The following PTPRD variants were observed in gnomAD, a reference collection of about 807,000 sequenced individuals.
PTPRD encodes protein tyrosine phosphatase receptor type D.
PTPRD carries 34 observed loss-of-function variants against 214.5 expected under a neutral mutation model. The ratio of observed to expected loss-of-function variants is 0.16; its 90% CI spans 0.12 to 0.21. PTPRD has a LOEUF of 0.21. Ranked by LOEUF, PTPRD falls within the 10% of genes least tolerant of loss-of-function variation. The pLI is 1.00. For missense variants in PTPRD, 2,545 were observed against 2,398.7 expected (o/e 1.06, Z -1.27); for synonymous variants, 1,128 against 845.7 (o/e 1.33, Z -5.79).
intron 5 of PTPRD, among the ~76,000 whole-genome samples, chr9:9,778,035 G>A (rs115003026): frequency 0.013 from 2,038 of 152,312 alleles, 57 homozygotes; most frequent in African/African-American, 0.045. Context: ...ATAGAGAGGG[G>A]AGACAAGATG....
At chr9:10,450,007 C>T (rs940780770) in intron 2 of PTPRD, among the ~76,000 whole-genome samples, 3 of 151,618 alleles carry the variant, frequency 2.0e-5, no homozygotes, top group African/African-American at 7.3e-5. Flanking sequence ...AAGGGCGGTG[C>T]AAGATGTGCT....
intron 9 of PTPRD, among the ~76,000 whole-genome samples, chr9:9,356,977 G>A (rs968318859): frequency 4.6e-5 from 7 of 151,284 alleles, no homozygotes; most frequent in South Asian, 2.1e-4. Context: ...TCAAGCAACC[G>A]GGTATAAAGC....
At chr9:8,748,780 G>C (rs150005912) in intron 11 of PTPRD, among the ~76,000 whole-genome samples, 3 of 151,960 alleles carry the variant, frequency 2.0e-5, no homozygotes, top group African/African-American at 7.2e-5. Context: ...GCATGGTGGC[G>C]CATGCCTGTA....
intron 5 of PTPRD, among the ~76,000 whole-genome samples, chr9:9,822,385 TG>T (rs1463143706): frequency 3.3e-5 from 5 of 150,450 alleles, no homozygotes; most frequent in African/African-American, 1.2e-4. Flanking sequence ...CATTCCAGCC[TG>T]GTGACAGAGC....
At chr9:9,128,080 A>C (rs2099836835) in intron 10 of PTPRD, among the ~76,000 whole-genome samples, 1 of 152,198 alleles carries the variant, frequency 6.6e-6, no homozygotes, top group African/African-American at 2.4e-5. Context: ...TGGGCATGAC[A>C]AGTATTTTTA....
At chr9:10,393,287 T>TTG (rs140870482) in intron 2 of PTPRD, among the ~76,000 whole-genome samples, 234 of 150,532 alleles carry the variant, frequency 1.6e-3, no homozygotes, top group South Asian at 5.0e-3. Flanking sequence ...GTCTGCTATT[T>TTG]TGTGTGTGTG....
At chr9:8,880,139 G>T in intron 11 of PTPRD, among the ~76,000 whole-genome samples, 1 of 151,994 alleles carries the variant, frequency 6.6e-6, no homozygotes, top group East Asian at 1.9e-4. Context: ...AAGAAACAAA[G>T]GTGGCATTTT....
At chr9:9,664,487 GCT>G (rs1188367140) in intron 7 of PTPRD, among the ~76,000 whole-genome samples, 1 of 151,564 alleles carries the variant, frequency 6.6e-6, no homozygotes, top group Admixed American at 6.6e-5. Flanking sequence ...AATTAGATCA[GCT>G]CTTTTTCCAT....
chr9:10,206,638 C>G (rs944216174), intron 3 of PTPRD, among the ~76,000 whole-genome samples: 1 of 151,998 alleles, frequency 6.6e-6, no homozygotes, highest in African/African-American at 2.4e-5. Flanking sequence ...AAGGTGGAGA[C>G]AAGGAAAAAG....
rs536992529 is a variant in PTPRD at position 8,968,388 on chromosome 9, C to G, written c.-104+50309G>C. 4.3e-3 allele frequency among the ~76,000 whole-genome samples: 657 copies of G among 151,918 alleles called. 6 individuals are homozygous for G. The highest frequency in any genetic ancestry group is 0.015 in the African/African-American group (625 of 41,468). On this transcript the variant is annotated intron_variant, in intron 11 of 45. Transcript: ENST00000381196. ...TCCCACCAACAGTGTAAAAGTGTTC[C>G]TATTTCTCCACATCCTCTCCAGCAC...
intron 4 of PTPRD, among the ~76,000 whole-genome samples, chr9:9,953,523 CAT>C (rs765382786): frequency 1.1e-4 from 17 of 150,560 alleles, no homozygotes; most frequent in Admixed American, 3.3e-4. Context: ...CACACACACA[CAT>C]ACATACACAC....
intron 7 of PTPRD, among the ~76,000 whole-genome samples, chr9:9,646,637 C>G (rs1367141230): frequency 1.3e-5 from 2 of 152,044 alleles, no homozygotes; most frequent in Admixed American, 6.6e-5. Context: ...CCTCTTTATA[C>G]TATCCTATAA....
At chr9:9,647,947 T>G (rs933038801) in intron 7 of PTPRD, among the ~76,000 whole-genome samples, 8 of 152,204 alleles carry the variant, frequency 5.3e-5, no homozygotes, top group African/African-American at 1.9e-4. Context: ...TTCTGCATAC[T>G]CTTTCTTTTG....
At chr9:9,471,915 T>C (rs2094615103) in intron 8 of PTPRD, among the ~76,000 whole-genome samples, 1 of 152,100 alleles carries the variant, frequency 6.6e-6, no homozygotes, top group Non-Finnish European at 1.5e-5. Flanking sequence ...ATTTTAATGA[T>C]TTTTTTAACT....
chr9:10,426,965 A>G lies in PTPRD; in HGVS notation c.-599-85948T>C, dbSNP rs186733420. ...AAAACAAAGATGACAAAGAGGCCCA[A>G]TGTATCAATATTAAGAAAATTAAAG... On this transcript the variant is annotated intron_variant, in intron 2 of 45. Coordinates refer to ENST00000381196, the MANE Select transcript of PTPRD (RefSeq NM_002839.4). Among the ~76,000 whole-genome samples, 57 of 152,174 alleles carry G rather than the reference A, an allele frequency of 3.7e-4. 1 individual carries two copies. Among genetic ancestry groups the G allele is most frequent in the African/African-American group, 3.1e-4 (13 of 41,558 alleles).
At chr9:9,315,829 A>G (rs1465222959) in intron 9 of PTPRD, among the ~76,000 whole-genome samples, 2 of 146,988 alleles carry the variant, frequency 1.4e-5, no homozygotes, top group African/African-American at 5.0e-5. Context: ...ATAGTAGCAG[A>G]CAACTTTTTT....
intron 5 of PTPRD, among the ~76,000 whole-genome samples, chr9:9,870,950 G>A (rs2065257433): frequency 6.6e-6 from 1 of 152,002 alleles, no homozygotes; most frequent in East Asian, 1.9e-4. Flanking sequence ...GTTGGAGAGA[G>A]AAATAAAATT....
At chr9:10,074,464 A>G (rs879558112) in intron 3 of PTPRD, among the ~76,000 whole-genome samples, 1 of 152,138 alleles carries the variant, frequency 6.6e-6, no homozygotes, top group Non-Finnish European at 1.5e-5. Context: ...TGGAACTTCT[A>G]AAGCTGACAG....
intron 30 of PTPRD, among the ~76,000 whole-genome samples, chr9:8,471,914 C>A (rs2096660775): frequency 6.6e-6 from 1 of 152,130 alleles, no homozygotes. Flanking sequence ...TCATACTGAT[C>A]TTTAGTAGTA....
Sources: allele counts gnomAD v4.1 joint callset (sites outside exome capture counted in the v4.1 genomes callset), GRCh38; gene constraint gnomAD v4.1.1; transcripts MANE v1.5; gene names NCBI Gene and HGNC (gene_info 2026-07-23, HGNC 2026-07-21).